The following ADIPOQ variants were observed in gnomAD, a reference collection of about 807,000 sequenced individuals.
ADIPOQ encodes adiponectin, C1Q and collagen domain containing, also known as adiponectin.
A neutral mutation model predicts 16.1 loss-of-function variants in ADIPOQ; 19 were observed. The observed-to-expected ratio is 1.18, with a 90% confidence interval of 0.82 to 1.73. The LOEUF is 1.73. Ranked by LOEUF, ADIPOQ falls within the 40% of genes most tolerant of loss-of-function variation. The pLI, the probability that ADIPOQ is intolerant of heterozygous loss-of-function variation, is 0.00. For missense variants in ADIPOQ, 323 were observed against 308.3 expected (o/e 1.05, Z -0.36); for synonymous variants, 124 against 125.5 (o/e 0.99, Z 0.08).
chr3:186,856,104 A>G lies in ADIPOQ; in HGVS notation c.*1400A>G, dbSNP rs1455310235. 1 of 152,240 alleles carries G rather than the reference A, an allele frequency of 6.6e-6. No individual in the cohort carries two copies. The highest frequency in any genetic ancestry group is 2.4e-5 in the African/African-American group (1 of 41,466). The allele number at this position is 152,240 out of a possible 1,614,324, so 9.4% of individuals were successfully genotyped here. A position where few individuals can be genotyped will look rare whatever the true frequency, so the allele number is the denominator to read the frequency against. On this transcript the variant is annotated 3_prime_UTR_variant, in exon 3 of 3. Transcript: ENST00000320741. ...ACACGTCCAGAATTTTTCATCAAGA[A>G]GGTAGCTTGAGCCTGAAATGCAAAA...
At chr3:186,844,518 A>AT (rs1337289030) in intron 1 of ADIPOQ, among the ~76,000 whole-genome samples, 1 of 151,662 alleles carries the variant, frequency 6.6e-6, no homozygotes, top group African/African-American at 2.4e-5. Flanking sequence ...TCTCAAAAAA[A>AT]AAAAAAAAAA....
Position 186,854,814 on chromosome 3 carries a change from A to G in ADIPOQ, c.*110A>G. The G allele has an allele frequency of 7.2e-7, 1 of 1,397,338 alleles. No individual in the cohort carries two copies. The highest frequency in any genetic ancestry group is 2.3e-5 in the East Asian group (1 of 43,892). 86.6% of individuals were successfully genotyped at this position (1,397,338 alleles called of 1,614,324 possible). A position where few individuals can be genotyped will look rare whatever the true frequency, so the allele number is the denominator to read the frequency against. ...ATTTAGTTGGAGGCCTTTAGATATT[A>G]TTCATTCATTTACTCATTCATTTAT... On this transcript the variant is annotated 3_prime_UTR_variant, in exon 3 of 3. Transcript: ENST00000320741.
At chr3:186,843,276 G>A (rs1026190862) in intron 1 of ADIPOQ, among the ~76,000 whole-genome samples, 5 of 152,162 alleles carry the variant, frequency 3.3e-5, no homozygotes, top group Admixed American at 6.5e-5. Flanking sequence ...CAGTGGATTG[G>A]GTTCACAAGA....
intron 1 of ADIPOQ, among the ~76,000 whole-genome samples, chr3:186,848,105 G>T (rs536524224): frequency 1.5e-4 from 23 of 151,808 alleles, no homozygotes; most frequent in African/African-American, 5.6e-4. Context: ...CCCAGGAGGC[G>T]GAGGTTGCAG....
intron 1 of ADIPOQ, among the ~76,000 whole-genome samples, chr3:186,846,769 G>T (rs1035218201): frequency 1.3e-5 from 2 of 152,018 alleles, no homozygotes; most frequent in African/African-American, 2.4e-5. Flanking sequence ...AGAACATCAC[G>T]GTCATCCCCT....
intron 1 of ADIPOQ, chr3:186,852,136 T>G (rs1421272223): frequency 6.6e-6 from 1 of 152,356 alleles, no homozygotes; most frequent in Non-Finnish European, 1.5e-5. Flanking sequence ...TAAGTCTGCC[T>G]CCATGATTCA....
chr3:186,853,465 T>G (rs537604823), intron 2 of ADIPOQ, among the ~76,000 whole-genome samples, 193 bp downstream of exon 2: 22 of 152,330 alleles, frequency 1.4e-4, no homozygotes, highest in African/African-American at 5.3e-4. Context: ...TAACCAAGAC[T>G]TTGGCTTTGC....
At position 186,857,722 on chromosome 3, in the gene ADIPOQ, C is replaced by A. The variant is rs201818024; in HGVS notation, c.*3018C>A. ...GTCCAATTCTCTTTAGTTCTGTCAG[C>A]TTTTGCTTCATATATTTTAGCGCTC... On this transcript the variant is annotated 3_prime_UTR_variant, in exon 3 of 3. Coordinates refer to ENST00000320741, the MANE Select transcript of ADIPOQ (RefSeq NM_004797.4). 1 of 152,070 alleles carries A rather than the reference C, an allele frequency of 6.6e-6. No individual in the cohort carries two copies. The highest frequency in any genetic ancestry group is 3.1e-3 in the Middle Eastern group (1 of 318). 9.4% of individuals were successfully genotyped at this position (152,070 alleles called of 1,614,324 possible).
Position 186,856,227 on chromosome 3 carries a change from G to A in ADIPOQ, c.*1523G>A, listed in dbSNP as rs200178994. The A allele has an allele frequency of 2.0e-5, 3 of 152,164 alleles. No individual in the cohort carries two copies. The highest frequency in any genetic ancestry group is 4.4e-5 in the Non-Finnish European group (3 of 68,040). 9.4% of individuals were successfully genotyped at this position (152,164 alleles called of 1,614,324 possible). On this transcript the variant is annotated 3_prime_UTR_variant, in exon 3 of 3. Transcript: ENST00000320741. The stretch of plus-strand genomic sequence containing the variant: ...TTATTATTGTTCTTTAAGAATTACA[G>A]GTTGAGGTAGTTGATGGTGGTAAAC...
intron 1 of ADIPOQ, among the ~76,000 whole-genome samples, chr3:186,851,108 G>A (rs1711752506): frequency 6.6e-6 from 1 of 152,122 alleles, no homozygotes; most frequent in Non-Finnish European, 1.5e-5. Flanking sequence ...CCTCACAGAG[G>A]AGTAGGTTTG....
rs1444341927 is a variant in ADIPOQ, at chr3:186,853,031, A to G, written c.-8-20A>G. ...TGGGGTCTGTCTCTCCATGGCTGAC[A>G]GTGCACATGTGGATTCCAGGGCTCA... On this transcript the variant is annotated intron_variant, in intron 1 of 2. Coordinates refer to ENST00000320741, the MANE Select transcript of ADIPOQ (RefSeq NM_004797.4). The G allele has an allele frequency of 6.3e-7, 1 of 1,587,588 alleles. No homozygotes were observed. Among genetic ancestry groups the G allele is most frequent in the African/African-American group, 1.3e-5 (1 of 74,350 alleles).
intron 1 of ADIPOQ, among the ~76,000 whole-genome samples, chr3:186,846,241 A>AT (rs1579203688): frequency 8.1e-6 from 1 of 123,190 alleles, no homozygotes; most frequent in Non-Finnish European, 1.6e-5. Flanking sequence ...ACATTTGAGG[A>AT]TTTTGTATAC....
chr3:186,844,370 C>T (rs1711523622), intron 1 of ADIPOQ, among the ~76,000 whole-genome samples: 1 of 152,116 alleles, frequency 6.6e-6, no homozygotes, highest in South Asian at 2.1e-4. Flanking sequence ...TGGTCTCGAT[C>T]TCTTGACCTC....
intron 1 of ADIPOQ, among the ~76,000 whole-genome samples, chr3:186,849,892 T>G (rs1711688960): frequency 6.7e-6 from 1 of 148,912 alleles, no homozygotes; most frequent in African/African-American, 2.5e-5. Context: ...AAAAGTGAAA[T>G]TTTAACTATA....
chr3:186,853,407 A>G (rs2241767), intron 2 of ADIPOQ, 135 bp downstream of exon 2: 136,341 of 1,168,384 alleles, frequency 0.12, 9,516 homozygotes, highest in East Asian at 0.29. Flanking sequence ...AGCAACCTGA[A>G]GTGATTTGGG....
chr3:186,853,233 G>A lies in ADIPOQ; in HGVS notation c.175G>A (p.Asp59Asn), dbSNP rs767914777. 2 of 1,612,880 alleles carry A rather than the reference G, an allele frequency of 1.2e-6. No homozygotes were observed. The highest frequency in any genetic ancestry group is 1.7e-6 in the Non-Finnish European group (2 of 1,179,444). ...TGGGGCCCCAGGCCGTGATGGCAGA[G>A]ATGGCACCCCTGGTGAGAAGGGTGA... ...HNGAPGRDGR[D>N]GTPGEKGEKG... Residue 59 changes from aspartate (D) to asparagine (N), a missense_variant, in exon 2 of 3, where the codon GAT becomes AAT. Coordinates refer to ENST00000320741, the MANE Select transcript of ADIPOQ (RefSeq NM_004797.4).
chr3:186,849,904 CAAACAATAGAAAA>C (rs1560107885), intron 1 of ADIPOQ, among the ~76,000 whole-genome samples: 1 of 132,356 alleles, frequency 7.6e-6, no homozygotes, highest in Non-Finnish European at 1.7e-5. Flanking sequence ...TTAACTATAT[CAAACAATAGAAAA>C]AAACAGAAGA....
intron 1 of ADIPOQ, among the ~76,000 whole-genome samples, chr3:186,844,497 G>A (rs1711527334): frequency 9.6e-6 from 1 of 104,270 alleles, no homozygotes; most frequent in African/African-American, 3.8e-5. Flanking sequence ...GGCAAAAAAA[G>A]CAAAACTCCA....
chr3:186,849,308 C>T (rs888683185), intron 1 of ADIPOQ, among the ~76,000 whole-genome samples: 1 of 152,108 alleles, frequency 6.6e-6, no homozygotes, highest in Non-Finnish European at 1.5e-5. Flanking sequence ...AGTTTTATTG[C>T]CAAAGCCATA....
Sources: allele counts gnomAD v4.1 joint callset (sites outside exome capture counted in the v4.1 genomes callset), GRCh38; gene constraint gnomAD v4.1.1; transcripts MANE v1.5; gene names NCBI Gene and HGNC (gene_info 2026-07-23, HGNC 2026-07-21).